Variants in PCDHGA5 observed in about 807,000 individuals in gnomAD.
PCDHGA5 encodes protocadherin gamma subfamily A, 5.
A neutral mutation model predicts 56.7 loss-of-function variants in PCDHGA5; 36 were observed. The ratio of observed to expected loss-of-function variants is 0.64; its 90% CI spans 0.49 to 0.84. The LOEUF is 0.84. PCDHGA5 is among the 40% of genes least tolerant of loss of function. PCDHGA5 has a pLI of 0.00. For synonymous variants in PCDHGA5, 563 were observed against 520.2 expected (o/e 1.08, Z -1.12); for missense variants, 1,305 against 1,201.5 (o/e 1.09, Z -1.27).
chr5:141,424,076 A>C, intron 1 of PCDHGA5: 2 of 979,452 alleles, frequency 2.0e-6, no homozygotes, highest in Non-Finnish European at 2.5e-6. Flanking sequence ...TTGTAGTTAT[A>C]TTCCACCATT....
At chr5:141,403,219 G>A in intron 1 of PCDHGA5, 1 of 1,613,980 alleles carries the variant, frequency 6.2e-7, no homozygotes, top group South Asian at 1.1e-5. Flanking sequence ...CCGCGGGTAG[G>A]ATAGACCGGG....
intron 1 of PCDHGA5, chr5:141,405,045 C>T (rs757899891): frequency 6.2e-7 from 1 of 1,613,918 alleles, no homozygotes. Context: ...GTGGCTGTGG[C>T]AGTCGTCTCC....
At position 141,511,397 on chromosome 5, in the gene PCDHGA5, C is replaced by A; in HGVS notation, c.*224C>A. ...AGCAGTTCCGCTGGGAACCCCCATC[C>A]AATCAACTGCTGTACCCATGGGGGT... On this transcript the variant is annotated 3_prime_UTR_variant, in exon 4 of 4. Coordinates refer to ENST00000518069, the MANE Select transcript of PCDHGA5 (RefSeq NM_018918.3). 1.0e-6 allele frequency: 1 copy of A among 1,002,376 alleles called. No individual in the cohort carries two copies. The highest frequency in any genetic ancestry group is 1.4e-6 in the Non-Finnish European group (1 of 705,546). 62.1% of individuals were successfully genotyped at this position (1,002,376 alleles called of 1,614,324 possible). A position where few individuals can be genotyped will look rare whatever the true frequency, so the allele number is the denominator to read the frequency against.
chr5:141,491,254 G>A lies in PCDHGA5; in HGVS notation c.2422-3553G>A, dbSNP rs746242389. ...GCTGGTTCTGGAGGATGAGGACCCT[G>A]AGGAAATGCCCAAATCCAGTGACTT... is the stretch of plus-strand genomic sequence containing the variant. On this transcript the variant is annotated intron_variant, in intron 1 of 3. Coordinates refer to ENST00000518069, the MANE Select transcript of PCDHGA5 (RefSeq NM_018918.3). This position sits in a 1 kb window ranked among gnomAD's most constrained non-coding sequence, Gnocchi z 6.9. 24 of 1,614,198 alleles carry A rather than the reference G, an allele frequency of 1.5e-5. No individual in the cohort carries two copies. The highest frequency in any genetic ancestry group is 2.0e-5 in the Non-Finnish European group (24 of 1,180,018).
chr5:141,481,066 A>G (rs1366968394), intron 1 of PCDHGA5, among the ~76,000 whole-genome samples: 1 of 152,156 alleles, frequency 6.6e-6, no homozygotes, highest in Non-Finnish European at 1.5e-5. Flanking sequence ...TCAAAAACAA[A>G]AAGAAAGAAA....
At chr5:141,478,629 T>A in intron 1 of PCDHGA5, 1 of 1,553,688 alleles carries the variant, frequency 6.4e-7, no homozygotes, top group Non-Finnish European at 8.7e-7. Context: ...AGCTGTTTTT[T>A]TAGTGATGAA....
At position 141,370,526 on chromosome 5, in the gene PCDHGA5, C is replaced by T. The variant is rs533530770; in HGVS notation, c.2421+3775C>T. 25 of 1,613,860 alleles carry T rather than the reference C, an allele frequency of 1.5e-5. No individual in the cohort carries two copies. In the East Asian group the frequency reaches 4.0e-4, roughly 26 times the overall value. ...CTATTCCCGAGGAGCTGGACAGGGG[C>T]TCGCTGGTAGGGAACCTCGCCAAGG... On this transcript the variant is annotated intron_variant, in intron 1 of 3. Transcript: ENST00000518069.
intron 1 of PCDHGA5, chr5:141,388,813 T>G: frequency 6.2e-7 from 1 of 1,613,884 alleles, no homozygotes; most frequent in Non-Finnish European, 8.5e-7. Flanking sequence ...TTTGAAGAAG[T>G]CAAAGAATAT....
rs371280575 is a variant in PCDHGA5 at position 141,393,339 on chromosome 5, C to T, written c.2421+26588C>T. ...CCAGAGCTACCAGCTCAGCCCCAAT[C>T]ACCACTTCTCCCTGGACGTGCAGAC... On this transcript the variant is annotated intron_variant, in intron 1 of 3. Coordinates refer to ENST00000518069, the MANE Select transcript of PCDHGA5 (RefSeq NM_018918.3). 109 of 1,613,800 alleles carry T rather than the reference C, an allele frequency of 6.8e-5. No individual in the cohort carries two copies. The highest frequency in any genetic ancestry group is 9.2e-5 in the Non-Finnish European group (109 of 1,179,890).
At chr5:141,371,401 A>G (rs776331475) in intron 1 of PCDHGA5, 4 of 1,614,018 alleles carry the variant, frequency 2.5e-6, no homozygotes, top group Admixed American at 3.3e-5. Flanking sequence ...GTACAGATAG[A>G]TATTTCAGAT....
At chr5:141,439,472 A>G (rs1185561573) in intron 1 of PCDHGA5, among the ~76,000 whole-genome samples, 3 of 152,228 alleles carry the variant, frequency 2.0e-5, no homozygotes, top group Non-Finnish European at 4.4e-5. Flanking sequence ...GCTGCCTTTC[A>G]GCTTGCAAAT....
At chr5:141,479,003 C>A (rs2099485569) in intron 1 of PCDHGA5, among the ~76,000 whole-genome samples, 1 of 152,176 alleles carries the variant, frequency 6.6e-6, no homozygotes, top group African/African-American at 2.4e-5. Flanking sequence ...AAACTAATAG[C>A]TTTTTGATAA....
intron 3 of PCDHGA5, 89 bp downstream of exon 3, chr5:141,505,570 C>G: frequency 6.3e-7 from 1 of 1,598,162 alleles, no homozygotes; most frequent in Admixed American, 1.7e-5. Context: ...GACTGGATGT[C>G]AAACCTGTGT....
At chr5:141,484,135 A>G (rs181630887) in intron 1 of PCDHGA5, among the ~76,000 whole-genome samples, 6 of 152,270 alleles carry the variant, frequency 3.9e-5, no homozygotes, top group Admixed American at 1.3e-4. Flanking sequence ...GTGTCAGATA[A>G]AGGGAATTTG....
intron 1 of PCDHGA5, chr5:141,478,473 A>G (rs2099458384): frequency 6.2e-7 from 1 of 1,613,742 alleles, no homozygotes; most frequent in African/African-American, 1.3e-5. Context: ...GCCAGCCGCC[A>G]GAACACGCTG....
rs200868391 is a variant in PCDHGA5 at position 141,415,586 on chromosome 5, C to T, written c.2421+48835C>T. 540 of 1,613,746 alleles carry T rather than the reference C, an allele frequency of 3.3e-4. No individual in the cohort carries two copies. Among genetic ancestry groups the T allele is most frequent in the Non-Finnish European group, 4.5e-4 (527 of 1,179,996 alleles). ...TCTTTGTTAGATGATTCGAAGTTTCCTATAGAGGATACCCCATTGGTTCCA... is the reference window on the plus strand; with the variant it reads ...TCTTTGTTAGATGATTCGAAGTTTCTTATAGAGGATACCCCATTGGTTCCA... On this transcript the variant is annotated intron_variant, in intron 1 of 3. Coordinates refer to ENST00000518069, the MANE Select transcript of PCDHGA5 (RefSeq NM_018918.3).
At chr5:141,419,432 C>T (rs2096381830) in intron 1 of PCDHGA5, 1 of 1,613,278 alleles carries the variant, frequency 6.2e-7, no homozygotes, top group East Asian at 2.2e-5. Flanking sequence ...CCACGAGCAG[C>T]TGCGCACCTT....
At position 141,431,763 on chromosome 5, in the gene PCDHGA5, T is replaced by C; in HGVS notation, c.2422-63044T>C. On this transcript the variant is annotated intron_variant, in intron 1 of 3. Transcript: ENST00000518069. The surrounding 1 kb of genome is among the most constrained non-coding windows in gnomAD (Gnocchi z 4.8). ...TATTCTGCGCGAGCCAAAGTCCTGA[T>C]CACTGTTCTGGACGTGAACGACAAT... 1 of 1,614,230 alleles carries C rather than the reference T, an allele frequency of 6.2e-7. No individual in the cohort carries two copies. Among genetic ancestry groups the C allele is most frequent in the Non-Finnish European group, 8.5e-7 (1 of 1,180,030 alleles).
chr5:141,368,727 T>C (rs1004938919), intron 1 of PCDHGA5, among the ~76,000 whole-genome samples: 9 of 152,250 alleles, frequency 5.9e-5, no homozygotes, highest in Non-Finnish European at 1.2e-4. Context: ...ATGTATGTAC[T>C]GTATATACCA....
Sources: gnomAD v4.1 joint callset for allele counts (sites outside exome capture counted in the v4.1 genomes callset) on GRCh38, gnomAD v4.1.1 for gene constraint, Gnocchi (gnomAD v3.1) non-coding constraint, MANE v1.5 for transcripts, NCBI Gene and HGNC (gene_info 2026-07-23, HGNC 2026-07-21) for gene names.